The following CARM1 variants were observed in gnomAD, a reference collection of about 807,000 sequenced individuals.
The protein encoded by CARM1 is histone-arginine methyltransferase CARM1.
A neutral mutation model predicts 72.7 loss-of-function variants in CARM1; 14 were observed. The ratio of observed to expected loss-of-function variants is 0.19; its 90% CI spans 0.13 to 0.30. The LOEUF (loss-of-function observed/expected upper bound fraction) is 0.30. Ranked by LOEUF, CARM1 falls within the 10% of genes least tolerant of loss-of-function variation. CARM1 has a pLI of 1.00. For missense variants in CARM1, 432 were observed against 833.7 expected (o/e 0.52, Z 5.93); for synonymous variants, 333 against 345.5 (o/e 0.96, Z 0.40).
chr19:10,891,691 C>T (rs1472374387), intron 1 of CARM1, among the ~76,000 whole-genome samples: 4 of 152,244 alleles, frequency 2.6e-5, no homozygotes, highest in Admixed American at 2.6e-4. Flanking sequence ...GGCCCTCCCG[C>T]CCCCAGCCTT....
intron 4 of CARM1, among the ~76,000 whole-genome samples, chr19:10,909,506 C>T (rs1002090344): frequency 2.6e-5 from 4 of 151,894 alleles, no homozygotes; most frequent in Non-Finnish European, 4.4e-5. Flanking sequence ...GACGCCCAGG[C>T]GGGCGGGTCA....
At chr19:10,901,775 C>T (rs2074068011) in intron 1 of CARM1, among the ~76,000 whole-genome samples, 1 of 152,104 alleles carries the variant, frequency 6.6e-6, no homozygotes, top group African/African-American at 2.4e-5. Flanking sequence ...AACCCCGTCT[C>T]TACCAAAAAT....
At chr19:10,890,679 A>G (rs933169020) in intron 1 of CARM1, among the ~76,000 whole-genome samples, 7 of 148,706 alleles carry the variant, frequency 4.7e-5, no homozygotes, top group Non-Finnish European at 9.0e-5. Flanking sequence ...ATACGTATAT[A>G]CATATATACA....
intron 1 of CARM1, among the ~76,000 whole-genome samples, chr19:10,888,793 AT>A (rs2073960574): frequency 1.3e-5 from 2 of 152,302 alleles, no homozygotes; most frequent in South Asian, 4.1e-4. Context: ...TGCAGGAGAC[AT>A]TTGCATGTAA....
intron 8 of CARM1, among the ~76,000 whole-genome samples, chr19:10,917,300 AC>A (rs2074205460): frequency 6.6e-6 from 1 of 152,016 alleles, no homozygotes. Flanking sequence ...ACACGGTGAA[AC>A]CCCATCTCTA....
At position 10,873,563 on chromosome 19, in the gene CARM1, G is replaced by A. The variant is rs890913687; in HGVS notation, c.220+1641G>A. ...GAGATCGTGCCATTGCACTCCAGCCGGGGAGACAGAGTGAGACTCCATCTC... is the reference window on the plus strand; with the variant it reads ...GAGATCGTGCCATTGCACTCCAGCCAGGGAGACAGAGTGAGACTCCATCTC... On this transcript the variant is annotated intron_variant, in intron 1 of 15. Coordinates refer to ENST00000327064, the MANE Select transcript of CARM1 (RefSeq NM_199141.2). Among the ~76,000 whole-genome samples the A allele has an allele frequency of 4.0e-5, 6 of 150,336 alleles. No homozygotes were observed. In the East Asian group the frequency reaches 5.8e-4, roughly 15 times the overall value.
chr19:10,909,652 G>C (rs1009856494), intron 4 of CARM1, among the ~76,000 whole-genome samples: 1 of 151,920 alleles, frequency 6.6e-6, no homozygotes, highest in African/African-American at 2.4e-5. Flanking sequence ...CAGGTGAATG[G>C]CATGAACGCA....
At position 10,879,788 on chromosome 19, in the gene CARM1, A is replaced by G. The variant is rs568877130; in HGVS notation, c.220+7866A>G. ...GCAACCACACCCAGATAATTTTTGT[A>G]TTTTTAGTAGATACGGGGGTCTCAC... On this transcript the variant is annotated intron_variant, in intron 1 of 15. Transcript: ENST00000327064. 4.6e-5 allele frequency among the ~76,000 whole-genome samples: 7 copies of G among 152,256 alleles called. No homozygotes were observed. The East Asian group carries it at 1.2e-3, about 25-fold the overall frequency.
Position 10,871,924 on chromosome 19 carries a change from T to A in CARM1, c.220+2T>A. The A allele has an allele frequency of 8.4e-7, 1 of 1,191,648 alleles. No homozygotes were observed. Among genetic ancestry groups the A allele is most frequent in the Non-Finnish European group, 1.0e-6 (1 of 961,236 alleles). 73.8% of individuals were successfully genotyped at this position (1,191,648 alleles called of 1,614,324 possible). ...CGGCGGGCATCGCCCTCTACAGCCG[T>A]GAGTACGGGGCCCCGGGGCAGGCGC... is the stretch of plus-strand genomic sequence containing the variant. On this transcript the variant is annotated splice_donor_variant, in intron 1 of 15. Transcript: ENST00000327064. LOFTEE classifies it high-confidence loss of function. This position sits in a 1 kb window ranked among gnomAD's most constrained non-coding sequence, Gnocchi z 5.6.
chr19:10,881,652 G>A (rs1295376802), intron 1 of CARM1, among the ~76,000 whole-genome samples: 3 of 152,002 alleles, frequency 2.0e-5, no homozygotes, highest in Non-Finnish European at 4.4e-5. Flanking sequence ...CAGGTCTTGG[G>A]GGAGGTGACA....
chr19:10,920,865 G>A lies in CARM1; in HGVS notation c.1456G>A (p.Gly486Ser), dbSNP rs1160510813. The change falls in exon 13 of 16, where the codon GGC becomes AGC. Residue 486 changes from glycine to serine, a missense_variant. Gly to Ser is a moderately conservative substitution (Grantham distance 56). Transcript: ENST00000327064. This position sits in a 1 kb window ranked among gnomAD's most constrained non-coding sequence, Gnocchi z 5.3. Reference sequence around the variant, plus strand: ...GGGCACAACGCCCTCACCCCCACCCGGCTCCCACTACACATCTCCCTCGGA... The same window carrying A: ...GGGCACAACGCCCTCACCCCCACCCAGCTCCCACTACACATCTCCCTCGGA... ...YTGTTPSPPPGSHYTSPSENM... is the reference protein window; with the variant it reads ...YTGTTPSPPPSSHYTSPSENM... 1.2e-6 allele frequency: 2 copies of A among 1,614,158 alleles called. No individual in the cohort carries two copies. The highest frequency in any genetic ancestry group is 8.5e-7 in the Non-Finnish European group (1 of 1,180,016).
intron 9 of CARM1, 60 bp from the exon 10 acceptor site, chr19:10,919,814 CCCT>C: frequency 6.6e-7 from 1 of 1,506,786 alleles, no homozygotes; most frequent in Non-Finnish European, 9.2e-7. Context: ...ACCTGGCACC[CCCT>C]CTTCTCTCTC....
chr19:10,879,668 A>AGT (rs1471844314), intron 1 of CARM1, among the ~76,000 whole-genome samples: 6 of 152,148 alleles, frequency 3.9e-5, no homozygotes, highest in Admixed American at 3.9e-4. Context: ...GCTGGAGCAC[A>AGT]GTGGCTCAAT....
intron 5 of CARM1, among the ~76,000 whole-genome samples, chr19:10,913,650 C>T (rs572435205): frequency 6.6e-5 from 10 of 152,214 alleles, no homozygotes; most frequent in South Asian, 2.1e-4. Flanking sequence ...CCGCCTGCCT[C>T]GGCCTCCCAA....
intron 1 of CARM1, among the ~76,000 whole-genome samples, chr19:10,880,244 G>A (rs2073891747): frequency 6.6e-6 from 1 of 152,228 alleles, no homozygotes; most frequent in Non-Finnish European, 1.5e-5. Context: ...CTTAAGCGAG[G>A]GCAGGATGGA....
intron 1 of CARM1, among the ~76,000 whole-genome samples, chr19:10,890,680 C>T (rs560345401): frequency 2.8e-5 from 4 of 142,374 alleles, no homozygotes; most frequent in Non-Finnish European, 4.6e-5. Context: ...TACGTATATA[C>T]ATATATACAC....
In CARM1 at chr19:10,916,378, G is replaced by A. The variant is rs754003302; in HGVS notation, c.848-29G>A. 5 of 1,507,120 alleles carry A rather than the reference G, an allele frequency of 3.3e-6. No individual in the cohort carries two copies. Among genetic ancestry groups the A allele is most frequent in the Admixed American group, 3.3e-5 (2 of 59,736 alleles). The allele number at this position is 1,507,120 out of a possible 1,614,324, so 93.4% of individuals were successfully genotyped here. On this transcript the variant is annotated intron_variant, in intron 6 of 15. Transcript: ENST00000327064. The surrounding 1 kb of genome is among the most constrained non-coding windows in gnomAD (Gnocchi z 4.4). ...GGCAGTGTGGGATGTGTCACCTGAC[G>A]CCAGCACCCCTCCCTGCCCCACTCC...
intron 15 of CARM1, 62 bp downstream of exon 15, chr19:10,921,505 C>T: frequency 1.3e-6 from 2 of 1,570,736 alleles, no homozygotes; most frequent in East Asian, 2.3e-5. Flanking sequence ...TCGCCATCCT[C>T]TGTCCGGCCG....
chr19:10,881,772 C>T (rs1568345928), intron 1 of CARM1, among the ~76,000 whole-genome samples: 1 of 152,130 alleles, frequency 6.6e-6, no homozygotes, highest in African/African-American at 2.4e-5. Flanking sequence ...TCGCCGTCTC[C>T]ATAGTGCGGT....
Sources: gnomAD v4.1 joint callset for allele counts (sites outside exome capture counted in the v4.1 genomes callset) on GRCh38, gnomAD v4.1.1 for gene constraint, Gnocchi (gnomAD v3.1) non-coding constraint, MANE v1.5 for transcripts, NCBI Gene and HGNC (gene_info 2026-07-23, HGNC 2026-07-21) for gene names.